Variants in CC2D2B observed in about 807,000 individuals in gnomAD.
The protein encoded by CC2D2B is coiled-coil and C2 domain containing 2B.
In CC2D2B, 128 loss-of-function variants were observed where a neutral mutation model predicts 161.2. The observed-to-expected ratio is 0.79, with a 90% CI of 0.69 to 0.92. The LOEUF (loss-of-function observed/expected upper bound fraction) is 0.92, where lower values mean the gene tolerates loss of function less well. CC2D2B is among the 40% of genes least tolerant of loss of function. The probability of loss-of-function intolerance (pLI) is 0.00; values close to 1 mark genes in which losing one functional copy is unlikely to be tolerated. For missense variants in CC2D2B, 1,173 were observed against 1,375.1 expected (o/e 0.85, Z 2.32); for synonymous variants, 391 against 449.8 (o/e 0.87, Z 1.65).
At chr10:95,937,337 AAAT>A (rs1382959732) in intron 6 of CC2D2B, among the ~76,000 whole-genome samples, 1 of 152,196 alleles carries the variant, frequency 6.6e-6, no homozygotes, top group East Asian at 1.9e-4. Context: ...AAATCATCCA[AAAT>A]AATGATTTTG....
chr10:95,932,688 A>G (rs1031480925), intron 6 of CC2D2B, among the ~76,000 whole-genome samples: 12 of 152,120 alleles, frequency 7.9e-5, no homozygotes, highest in Admixed American at 7.9e-4. Context: ...TCTTTTCTTT[A>G]AGAATGTTGA....
At position 95,946,861 on chromosome 10, in the gene CC2D2B, G is replaced by A. The variant is rs536603757; in HGVS notation, c.802-3035G>A. Among the ~76,000 whole-genome samples, 20 of 151,876 alleles carry A rather than the reference G, an allele frequency of 1.3e-4. No homozygotes were observed. In the South Asian group the frequency reaches 4.2e-3, roughly 32 times the overall value. On this transcript the variant is annotated intron_variant, in intron 9 of 34. Transcript: ENST00000646931. The stretch of plus-strand genomic sequence containing the variant: ...TAATAGCAATGGCACAGACTGAAGA[G>A]CATATCATATTACACCAGACTGATC...
rs566560402 is a variant in CC2D2B at position 96,025,179 on chromosome 10, ATAT to A, written c.3947+269_3947+271del. Reference sequence around the variant, plus strand: ...AATATATATATATATATATATATATATATATAAAAAAAAATATATATATATATA... The same window carrying A: ...AATATATATATATATATATATATATAATAAAAAAAAATATATATATATATA... On this transcript the variant is annotated intron_variant, in intron 33 of 34. Transcript: ENST00000646931. Among the ~76,000 whole-genome samples the A allele has an allele frequency of 1.6e-3, 24 of 14,696 alleles. 1 individual carries two copies. The highest frequency in any genetic ancestry group is 4.2e-3 in the African/African-American group (22 of 5,182). The allele number at this position is 14,696 out of a possible 152,430, so 9.6% of individuals were successfully genotyped here.
At chr10:95,910,580 AT>A (rs1237802146) in intron 1 of CC2D2B, among the ~76,000 whole-genome samples, 7 of 152,150 alleles carry the variant, frequency 4.6e-5, no homozygotes, top group African/African-American at 1.7e-4. Flanking sequence ...CACCCCCACA[AT>A]CCAATCACTT....
chr10:95,937,038 AT>A (rs2075848852), intron 6 of CC2D2B, among the ~76,000 whole-genome samples: 1 of 152,174 alleles, frequency 6.6e-6, no homozygotes, highest in Non-Finnish European at 1.5e-5. Flanking sequence ...TATCATGAAG[AT>A]TTCTGGATAT....
rs1424075597 is a variant in CC2D2B, at chr10:95,993,946, G to GTATA, written c.2642+1252_2642+1253insATAT. Among the ~76,000 whole-genome samples the GTATA allele has an allele frequency of 1.7e-3, 48 of 28,960 alleles. 1 individual carries two copies. Among genetic ancestry groups the GTATA allele is most frequent in the South Asian group, 7.9e-3 (5 of 630 alleles). The allele number at this position is 28,960 out of a possible 152,430, so 19.0% of individuals were successfully genotyped here. ...TGTGTGTGTGTGTGTGTGTGTGTAT[G>GTATA]TATGTGTATATATATATATATATAT... On this transcript the variant is annotated intron_variant, in intron 22 of 34. Coordinates refer to ENST00000646931, the MANE Select transcript of CC2D2B (RefSeq NM_001349008.3).
chr10:96,005,162 G>T (rs962833795), intron 25 of CC2D2B, among the ~76,000 whole-genome samples: 11 of 152,154 alleles, frequency 7.2e-5, no homozygotes, highest in African/African-American at 2.7e-4. Flanking sequence ...AATTGGTAAC[G>T]GGTAAAGCTT....
chr10:96,008,660 C>T (rs2078860522), intron 25 of CC2D2B, among the ~76,000 whole-genome samples: 1 of 152,054 alleles, frequency 6.6e-6, no homozygotes, highest in Admixed American at 6.6e-5. Flanking sequence ...GTGTTAGGCA[C>T]CCTTCCATGT....
chr10:95,947,113 A>ATATATATATAT (rs1289243570), intron 9 of CC2D2B, among the ~76,000 whole-genome samples: 1 of 48,376 alleles, frequency 2.1e-5, no homozygotes, highest in African/African-American at 9.4e-5. Context: ...ATATATATAT[A>ATATATATATAT]TTTTTTTTTT....
At chr10:95,993,936 GTGTGTGTATGTATGTGTA>G (rs2078096799) in intron 22 of CC2D2B, among the ~76,000 whole-genome samples, 2 of 19,534 alleles carry the variant, frequency 1.0e-4, no homozygotes, top group African/African-American at 3.5e-4. Flanking sequence ...GTGTGTGTGT[GTGTGTGTATGTATGTGTA>G]TATATATATA....
intron 32 of CC2D2B, among the ~76,000 whole-genome samples, chr10:96,022,050 G>T (rs573531225): frequency 4.5e-4 from 68 of 152,346 alleles, no homozygotes; most frequent in Admixed American, 1.6e-3. Context: ...GGGTGCGGTG[G>T]CTCACGCCTG....
chr10:95,981,836 C>G, intron 17 of CC2D2B, 139 bp from the exon 18 acceptor site: 1 of 422,336 alleles, frequency 2.4e-6, no homozygotes, highest in Non-Finnish European at 4.0e-6. Flanking sequence ...TCTATTCTAT[C>G]CATAAATACA....
intron 33 of CC2D2B, among the ~76,000 whole-genome samples, chr10:96,025,189 AAAAATAT>A (rs1564684370): frequency 7.4e-5 from 4 of 53,778 alleles, no homozygotes; most frequent in South Asian, 6.1e-4. Flanking sequence ...ATATATAAAA[AAAAATAT>A]ATATATATAT....
Position 96,019,348 on chromosome 10 carries a change from G to A in CC2D2B, c.3765+11G>A. On this transcript the variant is annotated intron_variant, in intron 31 of 34. Transcript: ENST00000646931. ...TTTGATGATAGAAATGTAAGTATAT[G>A]GGGAAAAAAAATCTTGAGTTATCTC... The A allele has an allele frequency of 6.3e-7, 1 of 1,598,546 alleles. No homozygotes were observed.
At chr10:95,939,186 T>C (rs963214932) in intron 9 of CC2D2B, among the ~76,000 whole-genome samples, 1 of 152,112 alleles carries the variant, frequency 6.6e-6, no homozygotes, top group Admixed American at 6.6e-5. Context: ...ACAAAAATAA[T>C]GAATAAATGA....
At chr10:95,951,115 G>T (rs747703857) in intron 10 of CC2D2B, among the ~76,000 whole-genome samples, 1 of 151,004 alleles carries the variant, frequency 6.6e-6, no homozygotes, top group Non-Finnish European at 1.5e-5. Context: ...CACCATGCCC[G>T]GCTAATATGT....
chr10:95,913,122 A>G (rs933460702), intron 2 of CC2D2B, among the ~76,000 whole-genome samples: 1 of 132,950 alleles, frequency 7.5e-6, no homozygotes, highest in Non-Finnish European at 1.6e-5. Context: ...TACCTTTCCC[A>G]GTCTCTGGAA....
intron 17 of CC2D2B, among the ~76,000 whole-genome samples, chr10:95,979,794 T>A (rs1354148918): frequency 1.3e-5 from 2 of 152,230 alleles, no homozygotes; most frequent in African/African-American, 4.8e-5. Context: ...ATTCACAGGC[T>A]TGTACAACCA....
intron 25 of CC2D2B, among the ~76,000 whole-genome samples, chr10:96,008,354 T>C (rs1412255909): frequency 2.6e-5 from 4 of 152,116 alleles, no homozygotes; most frequent in Non-Finnish European, 5.9e-5. Context: ...TTTTCATTTT[T>C]TGACTATTAT....
Sources: allele counts gnomAD v4.1 joint callset (sites outside exome capture counted in the v4.1 genomes callset), GRCh38; gene constraint gnomAD v4.1.1; transcripts MANE v1.5; gene names NCBI Gene and HGNC (gene_info 2026-07-23, HGNC 2026-07-21).